PCDHGB3: variants seen among roughly 807,000 people sequenced by gnomAD.
PCDHGB3 encodes the protein protocadherin gamma-B3.
Under a neutral mutation model 59.2 loss-of-function variants are expected in PCDHGB3, and 40 were observed. That is an observed-to-expected ratio of 0.68 (90% CI 0.52 to 0.88). The LOEUF (loss-of-function observed/expected upper bound fraction) is 0.88, where lower values mean the gene tolerates loss of function less well. Among genes scored for constraint, PCDHGB3 ranks in the 40% least tolerant of loss-of-function variants. The probability of loss-of-function intolerance (pLI) is 0.00; values close to 1 mark genes in which losing one functional copy is unlikely to be tolerated. For missense variants in PCDHGB3, 1,309 were observed against 1,187.9 expected (o/e 1.10, Z -1.50); for synonymous variants, 581 against 503.6 (o/e 1.15, Z -2.06).
intron 1 of PCDHGB3, chr5:141,383,947 A>T (rs757638644): frequency 6.2e-7 from 1 of 1,613,788 alleles, no homozygotes; most frequent in Non-Finnish European, 8.5e-7. Context: ...AGTGACTATG[A>T]CGTCTTTAAG....
chr5:141,478,637 G>A (rs1227108157), intron 1 of PCDHGB3: 2 of 1,552,684 alleles, frequency 1.3e-6, no homozygotes, highest in Non-Finnish European at 1.7e-6. Context: ...TTTTAGTGAT[G>A]AAGATGTTTT....
intron 1 of PCDHGB3, chr5:141,420,156 AT>A (rs755916873): frequency 6.2e-7 from 1 of 1,613,990 alleles, no homozygotes; most frequent in African/African-American, 1.3e-5. Flanking sequence ...CCAGAATTTA[AT>A]TTTTTCACAT....
At chr5:141,377,587 C>A (rs1272601199) in intron 1 of PCDHGB3, 2 of 147,530 alleles carry the variant, frequency 1.4e-5, no homozygotes, top group African/African-American at 5.1e-5. Flanking sequence ...CAGAATGAGA[C>A]TTTTTCTCTC....
chr5:141,438,165 G>GA (rs1252266607), intron 1 of PCDHGB3, among the ~76,000 whole-genome samples: 2 of 152,076 alleles, frequency 1.3e-5, no homozygotes, highest in East Asian at 3.8e-4. Flanking sequence ...AAGCTAATTG[G>GA]AAAAAATATT....
intron 1 of PCDHGB3, among the ~76,000 whole-genome samples, chr5:141,407,336 G>A (rs1005803062): frequency 6.6e-6 from 1 of 152,240 alleles, no homozygotes; most frequent in Admixed American, 6.5e-5. Flanking sequence ...ATATTGAAAT[G>A]TATGTTAATT....
Position 141,409,638 on chromosome 5 carries a change from C to T in PCDHGB3, c.2415+36829C>T, listed in dbSNP as rs1040366842. The T allele has an allele frequency of 3.1e-6, 5 of 1,613,648 alleles. No homozygotes were observed. The highest frequency in any genetic ancestry group is 1.7e-5 in the Admixed American group (1 of 60,006). ...ATTGCGCAAGTGAGCGCCTCTGACC[C>T]GGATTTGGGGCTCAATGGCCACATC... On this transcript the variant is annotated intron_variant, in intron 1 of 3. Coordinates refer to ENST00000576222, the MANE Select transcript of PCDHGB3 (RefSeq NM_018924.5).
intron 1 of PCDHGB3, chr5:141,414,638 A>G: frequency 6.2e-7 from 1 of 1,613,988 alleles, no homozygotes; most frequent in Non-Finnish European, 8.5e-7. Flanking sequence ...AGCAAAGAGA[A>G]TGCCCAGATT....
chr5:141,432,287 G>T lies in PCDHGB3; in HGVS notation c.2415+59478G>T. 1 of 1,614,216 alleles carries T rather than the reference G, an allele frequency of 6.2e-7. No individual in the cohort carries two copies. The highest frequency in any genetic ancestry group is 8.5e-7 in the Non-Finnish European group (1 of 1,180,030). On this transcript the variant is annotated intron_variant, in intron 1 of 3. Coordinates refer to ENST00000576222, the MANE Select transcript of PCDHGB3 (RefSeq NM_018924.5). This position sits in a 1 kb window ranked among gnomAD's most constrained non-coding sequence, Gnocchi z 6.0. ...ATCGTCCTACGTGTCCATCAACTCC[G>T]ACACTGGGGTACTGTATGCGCTGAG...
intron 1 of PCDHGB3, chr5:141,407,957 G>A: frequency 1.5e-6 from 1 of 660,494 alleles, no homozygotes; most frequent in Non-Finnish European, 2.4e-6. Flanking sequence ...GGCCAGTGCA[G>A]AGCAAGCGCT....
At chr5:141,413,763 G>A (rs964376306) in intron 1 of PCDHGB3, 6 of 1,612,814 alleles carry the variant, frequency 3.7e-6, no homozygotes, top group Non-Finnish European at 5.1e-6. Context: ...TCAAGTACCC[G>A]GAGCTGGTAC....
At chr5:141,379,214 T>A (rs1775449550) in intron 1 of PCDHGB3, 1 of 152,234 alleles carries the variant, frequency 6.6e-6, no homozygotes, top group Non-Finnish European at 1.5e-5. Flanking sequence ...CTGCTAAGAG[T>A]AATATGTGTT....
intron 1 of PCDHGB3, chr5:141,479,537 T>C (rs1299169562): frequency 6.6e-6 from 1 of 152,230 alleles, no homozygotes; most frequent in Non-Finnish European, 1.5e-5. Context: ...GTGGAGAAGG[T>C]CAAAACTGCT....
rs756361613 is a variant in PCDHGB3 at position 141,392,855 on chromosome 5, C to G, written c.2415+20046C>G. 3.1e-6 allele frequency: 5 copies of G among 1,612,176 alleles called. No individual in the cohort carries two copies. The highest frequency in any genetic ancestry group is 3.3e-4 in the Middle Eastern group (2 of 6,050). Reference sequence around the variant, plus strand: ...GTCGCCCCAGACGCGGCGAGCTGATCCTGCTGTGCGCGCTGCTGGGAACGC... The same window carrying G: ...GTCGCCCCAGACGCGGCGAGCTGATGCTGCTGTGCGCGCTGCTGGGAACGC... On this transcript the variant is annotated intron_variant, in intron 1 of 3. Coordinates refer to ENST00000576222, the MANE Select transcript of PCDHGB3 (RefSeq NM_018924.5).
intron 1 of PCDHGB3, among the ~76,000 whole-genome samples, chr5:141,455,844 T>TA (rs2098833146): frequency 6.6e-6 from 1 of 150,818 alleles, no homozygotes; most frequent in Non-Finnish European, 1.5e-5. Flanking sequence ...TCTATCTGCA[T>TA]AAAATAATTT....
rs747268184 is a variant in PCDHGB3, at chr5:141,489,769, C to A, written c.2416-5038C>A. On this transcript the variant is annotated intron_variant, in intron 1 of 3. Coordinates refer to ENST00000576222, the MANE Select transcript of PCDHGB3 (RefSeq NM_018924.5). This position sits in a 1 kb window ranked among gnomAD's most constrained non-coding sequence, Gnocchi z 4.5. ...CTTTTACACTCTAAGCCCCAACAGC[C>A]ACTTCTCTCTGAATGTGAAGACCCT... The A allele has an allele frequency of 6.2e-7, 1 of 1,614,156 alleles. No individual in the cohort carries two copies. The highest frequency in any genetic ancestry group is 1.1e-5 in the South Asian group (1 of 91,080).
At position 141,402,911 on chromosome 5, in the gene PCDHGB3, C is replaced by CT. The variant is rs2094320554; in HGVS notation, c.2415+30102_2415+30103insT. 6 of 1,551,858 alleles carry CT rather than the reference C, an allele frequency of 3.9e-6. No homozygotes were observed. In the African/African-American group the frequency reaches 8.2e-5, roughly 21 times the overall value. ...GAAGAAAGAACCTGATGAAGCAGCG[C>CT]GCACAGAGATCCTTTTGAGAAAATT... On this transcript the variant is annotated intron_variant, in intron 1 of 3. Coordinates refer to ENST00000576222, the MANE Select transcript of PCDHGB3 (RefSeq NM_018924.5).
At position 141,477,290 on chromosome 5, in the gene PCDHGB3, C is replaced by T; in HGVS notation, c.2416-17517C>T. 5 of 1,614,158 alleles carry T rather than the reference C, an allele frequency of 3.1e-6. No individual in the cohort carries two copies. In the South Asian group the frequency reaches 5.5e-5, roughly 18 times the overall value. On this transcript the variant is annotated intron_variant, in intron 1 of 3. Coordinates refer to ENST00000576222, the MANE Select transcript of PCDHGB3 (RefSeq NM_018924.5). The surrounding 1 kb of genome is among the most constrained non-coding windows in gnomAD (Gnocchi z 4.9). ...GAACGGGCTGGTGACCTGCGAAGTT[C>T]CACCGGGTCTCCCTTTCAGCCTTAC...
chr5:141,398,329 G>A, intron 1 of PCDHGB3: 2 of 1,358,092 alleles, frequency 1.5e-6, no homozygotes, highest in African/African-American at 1.5e-5. Flanking sequence ...AAAACTGCGC[G>A]TCAGTTCGGA....
chr5:141,440,990 C>T (rs1195325115), intron 1 of PCDHGB3: 2 of 152,172 alleles, frequency 1.3e-5, no homozygotes, highest in African/African-American at 4.8e-5. Flanking sequence ...CCAGAGTACC[C>T]ATATCTAGTT....
Sources: allele counts gnomAD v4.1 joint callset (sites outside exome capture counted in the v4.1 genomes callset), GRCh38; gene constraint gnomAD v4.1.1; non-coding constraint Gnocchi (gnomAD v3.1); transcripts MANE v1.5; gene names NCBI Gene and HGNC (gene_info 2026-07-23, HGNC 2026-07-21).